Variants in SORCS1 observed in about 807,000 individuals in gnomAD.
SORCS1 encodes the protein VPS10 domain-containing receptor SorCS1.
SORCS1 carries 60 observed loss-of-function variants against 146.1 expected under a neutral mutation model. The observed-to-expected ratio is 0.41, with a 90% confidence interval of 0.33 to 0.51. SORCS1 has a LOEUF of 0.51. Among genes scored for constraint, SORCS1 ranks in the 20% least tolerant of loss-of-function variants. SORCS1 has a pLI of 0.21. For synonymous variants in SORCS1, 637 were observed against 584.0 expected, an observed-to-expected ratio of 1.09 and a Z score of -1.31; for missense variants, 1,352 against 1,487.6, an observed-to-expected ratio of 0.91 and a Z score of 1.50.
chr10:106,725,943 A>G (rs1402691143), intron 6 of SORCS1, among the ~76,000 whole-genome samples: 1 of 151,778 alleles, frequency 6.6e-6, no homozygotes, highest in East Asian at 1.9e-4. Flanking sequence ...GAAAAAAAAA[A>G]AAAAAAAATA....
intron 5 of SORCS1, among the ~76,000 whole-genome samples, chr10:106,730,691 C>A (rs183776695): frequency 9.3e-4 from 141 of 152,056 alleles, no homozygotes; most frequent in African/African-American, 3.3e-3. Context: ...TATGTGTAAG[C>A]AAAATAAAAG....
chr10:107,139,505 G>GAT (rs1413620274), intron 1 of SORCS1, among the ~76,000 whole-genome samples: 1 of 152,206 alleles, frequency 6.6e-6, no homozygotes, highest in Non-Finnish European at 1.5e-5. Context: ...ATGCCAGAGA[G>GAT]ATTGGGAAGA....
At chr10:106,819,468 A>T (rs546588104) in intron 3 of SORCS1, among the ~76,000 whole-genome samples, 1 of 152,300 alleles carries the variant, frequency 6.6e-6, no homozygotes, top group South Asian at 2.1e-4. Flanking sequence ...CTCCGCAGTG[A>T]CAGGAAATAG....
chr10:106,835,625 C>T (rs375381735), intron 2 of SORCS1, among the ~76,000 whole-genome samples: 4 of 152,264 alleles, frequency 2.6e-5, no homozygotes, highest in African/African-American at 9.6e-5. Context: ...ATGGTAAGAA[C>T]TGGAATATAA....
At chr10:107,098,512 G>A (rs891823069) in intron 1 of SORCS1, among the ~76,000 whole-genome samples, 1 of 152,188 alleles carries the variant, frequency 6.6e-6, no homozygotes, top group Non-Finnish European at 1.5e-5. Flanking sequence ...AAGATCTGGT[G>A]AGTGCATATG....
chr10:106,659,835 C>T (rs1169394812), intron 17 of SORCS1, among the ~76,000 whole-genome samples: 1 of 152,142 alleles, frequency 6.6e-6, no homozygotes, highest in East Asian at 1.9e-4. Context: ...TTCCCAACCC[C>T]AGTGTCATGC....
chr10:106,836,659 T>A (rs1345470567), intron 2 of SORCS1, among the ~76,000 whole-genome samples: 1 of 152,058 alleles, frequency 6.6e-6, no homozygotes, highest in Admixed American at 6.5e-5. Flanking sequence ...TCTTTGAGGT[T>A]GTATATGGTG....
chr10:106,619,103 G>A (rs1229577330), intron 20 of SORCS1, among the ~76,000 whole-genome samples: 1 of 152,032 alleles, frequency 6.6e-6, no homozygotes, highest in African/African-American at 2.4e-5. Flanking sequence ...TTTCAATGGG[G>A]TCTCTTGAGA....
intron 1 of SORCS1, among the ~76,000 whole-genome samples, chr10:107,111,365 A>G (rs755258653): frequency 5.3e-5 from 8 of 152,232 alleles, no homozygotes; most frequent in Non-Finnish European, 1.0e-4. Flanking sequence ...ATAAAGAAAT[A>G]TAAACCATAA....
intron 2 of SORCS1, among the ~76,000 whole-genome samples, chr10:106,938,051 T>G (rs1271386132): frequency 6.6e-6 from 1 of 151,910 alleles, no homozygotes; most frequent in Non-Finnish European, 1.5e-5. Flanking sequence ...GAGGGCATCC[T>G]TAACCACAGC....
At chr10:106,578,736 C>T (rs370120249) in intron 25 of SORCS1, 16 of 1,105,396 alleles carry the variant, frequency 1.4e-5, no homozygotes, top group Non-Finnish European at 1.8e-5. Context: ...GCCCAGCCCT[C>T]TGGTCCACCA....
intron 6 of SORCS1, among the ~76,000 whole-genome samples, chr10:106,722,275 T>C (rs1171379289): frequency 2.0e-5 from 3 of 152,120 alleles, no homozygotes; most frequent in Non-Finnish European, 4.4e-5. Flanking sequence ...AGCTGAGATA[T>C]TGAAGACTTT....
At chr10:106,982,946 A>G (rs1956296827) in intron 1 of SORCS1, among the ~76,000 whole-genome samples, 1 of 151,990 alleles carries the variant, frequency 6.6e-6, no homozygotes, top group South Asian at 2.1e-4. Flanking sequence ...TATTCACCTT[A>G]TATCACAAGT....
At chr10:106,730,654 T>A (rs1856529889) in intron 5 of SORCS1, among the ~76,000 whole-genome samples, 1 of 152,188 alleles carries the variant, frequency 6.6e-6, no homozygotes, top group Admixed American at 6.5e-5. Context: ...TAGATGCACC[T>A]CACTTTCTGA....
chr10:106,868,471 A>G lies in SORCS1; in HGVS notation c.627-38798T>C, dbSNP rs11813622. 4.1e-3 allele frequency among the ~76,000 whole-genome samples: 630 copies of G among 152,324 alleles called. 7 individuals are homozygous for G. Among genetic ancestry groups the G allele is most frequent in the African/African-American group, 0.015 (621 of 41,574 alleles). Reference sequence around the variant, plus strand: ...ACATAAAACAATCCCTGGCAAATGGAAAAGAACCAAATTCATACCAAACAC... The same window carrying G: ...ACATAAAACAATCCCTGGCAAATGGGAAAGAACCAAATTCATACCAAACAC... On this transcript the variant is annotated intron_variant, in intron 2 of 25. Coordinates refer to ENST00000263054, the MANE Select transcript of SORCS1 (RefSeq NM_052918.5).
At chr10:106,705,056 AT>A (rs1302802730) in intron 8 of SORCS1, among the ~76,000 whole-genome samples, 1 of 152,162 alleles carries the variant, frequency 6.6e-6, no homozygotes, top group Non-Finnish European at 1.5e-5. Context: ...TCCAATTCTC[AT>A]CTAAGGCACA....
intron 2 of SORCS1, among the ~76,000 whole-genome samples, chr10:106,860,012 C>G (rs1317114820): frequency 1.3e-5 from 2 of 152,276 alleles, no homozygotes; most frequent in South Asian, 2.1e-4. Context: ...TGAAAAATTT[C>G]ACATTTGGGT....
chr10:107,143,731 C>T (rs1205964722), intron 1 of SORCS1, among the ~76,000 whole-genome samples: 2 of 152,080 alleles, frequency 1.3e-5, no homozygotes, highest in East Asian at 1.9e-4. Context: ...GTCTTGACCT[C>T]CTGACCTCGT....
chr10:106,792,232 A>C (rs1946352257), intron 3 of SORCS1, among the ~76,000 whole-genome samples: 1 of 152,254 alleles, frequency 6.6e-6, no homozygotes, highest in Non-Finnish European at 1.5e-5. Context: ...TCTAAACTGC[A>C]TATTTCAGTA....
Sources: allele counts gnomAD v4.1 joint callset (sites outside exome capture counted in the v4.1 genomes callset), GRCh38; gene constraint gnomAD v4.1.1; transcripts MANE v1.5; gene names NCBI Gene and HGNC (gene_info 2026-07-23, HGNC 2026-07-21).